The following ABI2 variants were observed in gnomAD, a reference collection of about 807,000 sequenced individuals.
The protein encoded by ABI2 is abelson interactor 2.
ABI2 carries 25 observed loss-of-function variants against 59.2 expected under a neutral mutation model. The observed-to-expected ratio is 0.42, with a 90% CI of 0.31 to 0.59. The LOEUF (loss-of-function observed/expected upper bound fraction) is 0.59. Among genes scored for constraint, ABI2 ranks in the 20% least tolerant of loss-of-function variants. ABI2 has a pLI of 0.14. For missense variants in ABI2, 545 were observed against 681.8 expected (o/e 0.80, Z 2.23); for synonymous variants, 213 against 235.5 (o/e 0.90, Z 0.87).
rs2098485790 is a variant in ABI2, at chr2:203,431,787, AG to A, written c.*4436del. The A allele has an allele frequency of 6.6e-6, 1 of 152,192 alleles. No individual in the cohort carries two copies. The highest frequency in any genetic ancestry group is 2.1e-4 in the South Asian group (1 of 4,832). The allele number at this position is 152,192 out of a possible 1,614,324, so 9.4% of individuals were successfully genotyped here. A position where few individuals can be genotyped will look rare whatever the true frequency, so the allele number is the denominator to read the frequency against. ...ATCTTAAGGTTTTTTGTAAGAAAAA[AG>A]AAAAACCAACAAAAAAAGCTTATTT... On this transcript the variant is annotated 3_prime_UTR_variant, in exon 12 of 12. Transcript: ENST00000261018.
At chr2:203,425,457 C>T (rs950539583) in intron 11 of ABI2, among the ~76,000 whole-genome samples, 14 of 152,140 alleles carry the variant, frequency 9.2e-5, no homozygotes, top group Non-Finnish European at 4.4e-5. Flanking sequence ...CTGCCTTGGC[C>T]TCCCAAAGTG....
At chr2:203,385,136 A>ATTTTTTTTTTTTTTT (rs1231169110) in intron 4 of ABI2, among the ~76,000 whole-genome samples, 1 of 26,246 alleles carries the variant, frequency 3.8e-5, no homozygotes, top group Non-Finnish European at 1.1e-4. Flanking sequence ...CCCGGCTCAG[A>ATTTTTTTTTTTTTTT]TTCTTTTTTT....
intron 1 of ABI2, among the ~76,000 whole-genome samples, chr2:203,361,736 GGAAAATT>G (rs1458754865): frequency 6.6e-6 from 1 of 152,148 alleles, no homozygotes; most frequent in African/African-American, 2.4e-5. Flanking sequence ...TGCAAATACA[GGAAAATT>G]TAAAAGGGCC....
chr2:203,338,647 G>C (rs1240439341), intron 1 of ABI2, among the ~76,000 whole-genome samples: 3 of 151,582 alleles, frequency 2.0e-5, no homozygotes, highest in African/African-American at 7.3e-5. Context: ...CCCAGCCTCA[G>C]GTATTCCTTC....
intron 4 of ABI2, 45 bp downstream of exon 4, chr2:203,382,251 G>A: frequency 2.7e-6 from 4 of 1,455,558 alleles, no homozygotes; most frequent in Non-Finnish European, 3.7e-6. Flanking sequence ...TTCTTATGTA[G>A]AATATTACAT....
At chr2:203,373,111 C>G (rs920426210) in intron 2 of ABI2, among the ~76,000 whole-genome samples, 15 of 152,230 alleles carry the variant, frequency 9.9e-5, no homozygotes, top group Admixed American at 5.2e-4. Flanking sequence ...CCAAGGCAGG[C>G]GGCTGGGAGG....
intron 11 of ABI2, 69 bp from the exon 12 acceptor site, chr2:203,427,108 C>A: frequency 7.1e-7 from 1 of 1,406,360 alleles, no homozygotes; most frequent in Non-Finnish European, 9.9e-7. Flanking sequence ...TAGCTATTCA[C>A]TGGCTTGGTT....
rs933058403 is a variant in ABI2 at position 203,355,849 on chromosome 2, A to C, written c.118-11028A>C. On this transcript the variant is annotated intron_variant, in intron 1 of 11. Coordinates refer to ENST00000261018, the MANE Select transcript of ABI2 (RefSeq NM_001375670.1). ...TGTCTCAAAAAAAAAAAAAAAAAAA[A>C]AACACCCCACCAAGAAACCCCTGGT... Among the ~76,000 whole-genome samples, 165 of 151,252 alleles carry C rather than the reference A, an allele frequency of 1.1e-3. 1 individual carries two copies. The highest frequency in any genetic ancestry group is 0.011 in the Admixed American group (161 of 15,170).
At chr2:203,379,786 C>T (rs1689380697) in intron 2 of ABI2, among the ~76,000 whole-genome samples, 1 of 152,208 alleles carries the variant, frequency 6.6e-6, no homozygotes, top group Admixed American at 6.5e-5. Flanking sequence ...GCCATACCAT[C>T]TCTGTTGTGG....
rs562140383 is a variant in ABI2, at chr2:203,385,352, C to T, written c.480+3146C>T. Among the ~76,000 whole-genome samples the T allele has an allele frequency of 1.1e-4, 17 of 151,596 alleles. No homozygotes were observed. In the East Asian group the frequency reaches 2.7e-3, roughly 24 times the overall value. ...TTCACCGTGTTAGCCAGGATGGTCT[C>T]GATCTCCTGATCTCGTGATCTGCCC... is the stretch of plus-strand genomic sequence containing the variant. On this transcript the variant is annotated intron_variant, in intron 4 of 11. Transcript: ENST00000261018.
At chr2:203,418,340 CT>C (rs1179219291) in intron 11 of ABI2, among the ~76,000 whole-genome samples, 1 of 152,240 alleles carries the variant, frequency 6.6e-6, no homozygotes, top group East Asian at 1.9e-4. Flanking sequence ...CGTGGCTCAG[CT>C]GGGCCCTCTG....
chr2:203,339,131 A>T (rs1282803990), intron 1 of ABI2, among the ~76,000 whole-genome samples: 1 of 150,710 alleles, frequency 6.6e-6, no homozygotes, highest in Non-Finnish European at 1.5e-5. Flanking sequence ...GCTCAACATC[A>T]CTAATCATTA....
chr2:203,356,264 T>TA (rs1355865080), intron 1 of ABI2, among the ~76,000 whole-genome samples: 13 of 152,218 alleles, frequency 8.5e-5, no homozygotes, highest in African/African-American at 3.1e-4. Flanking sequence ...CATGGCTCAC[T>TA]ACGAGCTCAG....
At position 203,395,615 on chromosome 2, in the gene ABI2, G is replaced by A. The variant is rs975043058; in HGVS notation, c.726-41G>A. On this transcript the variant is annotated intron_variant, in intron 6 of 11. Transcript: ENST00000261018. ...CGGGAAGTGCTGATGATCTCTTACT[G>A]TTTATAAATACTCATGTTTTGGTGG... is the stretch of plus-strand genomic sequence containing the variant. 5 of 1,589,374 alleles carry A rather than the reference G, an allele frequency of 3.1e-6. No homozygotes were observed. In the African/African-American group the frequency reaches 4.1e-5, roughly 13 times the overall value.
At chr2:203,365,115 T>C (rs2094220741) in intron 1 of ABI2, among the ~76,000 whole-genome samples, 1 of 152,210 alleles carries the variant, frequency 6.6e-6, no homozygotes, top group South Asian at 2.1e-4. Context: ...GAAAACATTT[T>C]AAAAATACAA....
intron 11 of ABI2, among the ~76,000 whole-genome samples, chr2:203,424,017 T>C (rs1430523273): frequency 2.6e-5 from 4 of 152,222 alleles, no homozygotes; most frequent in Non-Finnish European, 5.9e-5. Context: ...AAACCAGATG[T>C]CTAGCATTTT....
chr2:203,409,202 AGTT>A, intron 9 of ABI2, among the ~76,000 whole-genome samples: 1 of 152,274 alleles, frequency 6.6e-6, no homozygotes, highest in South Asian at 2.1e-4. Flanking sequence ...ACATATCAAC[AGTT>A]GTTGTAAGCC....
At chr2:203,367,492 T>C (rs2094570233) in intron 2 of ABI2, 1 of 151,484 alleles carries the variant, frequency 6.6e-6, no homozygotes, top group Non-Finnish European at 1.5e-5. Context: ...TATGAAATTA[T>C]TTTTATTATA....
At chr2:203,362,469 A>T (rs1290931082) in intron 1 of ABI2, among the ~76,000 whole-genome samples, 1 of 152,012 alleles carries the variant, frequency 6.6e-6, no homozygotes. Flanking sequence ...CTACATTTTA[A>T]ATATTGAGTT....
Sources: allele counts gnomAD v4.1 joint callset (sites outside exome capture counted in the v4.1 genomes callset), GRCh38; gene constraint gnomAD v4.1.1; transcripts MANE v1.5; gene names NCBI Gene and HGNC (gene_info 2026-07-23, HGNC 2026-07-21).